CALN1: variants seen among roughly 807,000 people sequenced by gnomAD.
CALN1 encodes calneuron 1.
In CALN1, 17 loss-of-function variants were observed where a neutral mutation model predicts 30.6. The observed-to-expected ratio is 0.56, with a 90% confidence interval of 0.38 to 0.83. The LOEUF (loss-of-function observed/expected upper bound fraction) is 0.83, where lower values mean the gene tolerates loss of function less well. Among genes scored for constraint, CALN1 ranks in the 40% least tolerant of loss-of-function variants. The pLI is 0.00. For synonymous variants in CALN1, 156 were observed against 131.4 expected (o/e 1.19, Z -1.28); for missense variants, 291 against 354.9 (o/e 0.82, Z 1.45).
chr7:72,390,140 G>A (rs1035624377), intron 2 of CALN1, among the ~76,000 whole-genome samples: 1 of 151,932 alleles, frequency 6.6e-6, no homozygotes, highest in African/African-American at 2.4e-5. Context: ...AAGAAATAAG[G>A]GGGATTGGGG....
At chr7:71,924,454 A>C (rs1436733101) in intron 5 of CALN1, among the ~76,000 whole-genome samples, 1 of 152,122 alleles carries the variant, frequency 6.6e-6, no homozygotes, top group Non-Finnish European at 1.5e-5. Flanking sequence ...CAAGGCAATG[A>C]TCATAATAAA....
intron 2 of CALN1, among the ~76,000 whole-genome samples, chr7:72,380,075 G>T (rs1244356978): frequency 1.3e-5 from 2 of 152,208 alleles, no homozygotes; most frequent in East Asian, 3.8e-4. Context: ...GAGCAGTGCA[G>T]ATAGTTAGAA....
At chr7:72,396,970 G>A (rs1201477885) in intron 2 of CALN1, among the ~76,000 whole-genome samples, 1 of 151,960 alleles carries the variant, frequency 6.6e-6, no homozygotes, top group Non-Finnish European at 1.5e-5. Flanking sequence ...GAGTGCAGTG[G>A]CATGATCATA....
chr7:71,944,594 CAA>C (rs10677940), intron 5 of CALN1, among the ~76,000 whole-genome samples: 59 of 60,024 alleles, frequency 9.8e-4, no homozygotes, highest in Middle Eastern at 0.019. Flanking sequence ...AACTCCATCC[CAA>C]AAAAAAAAAA....
intron 3 of CALN1, among the ~76,000 whole-genome samples, chr7:72,206,466 G>A (rs544416677): frequency 2.6e-5 from 4 of 152,172 alleles, no homozygotes; most frequent in Non-Finnish European, 1.5e-5. Context: ...TATGTGACTT[G>A]CAATTGCATG....
At chr7:71,888,503 A>G (rs1793053256) in intron 5 of CALN1, among the ~76,000 whole-genome samples, 1 of 152,072 alleles carries the variant, frequency 6.6e-6, no homozygotes, top group African/African-American at 2.4e-5. Context: ...AACAAAACAA[A>G]ACAAAAAAGC....
At chr7:72,183,363 C>T (rs964396024) in intron 3 of CALN1, among the ~76,000 whole-genome samples, 1 of 151,994 alleles carries the variant, frequency 6.6e-6, no homozygotes, top group Non-Finnish European at 1.5e-5. Context: ...AAAGTCAAAA[C>T]AAAAAGACGA....
At chr7:72,118,879 C>T (rs1182455863) in intron 3 of CALN1, among the ~76,000 whole-genome samples, 2 of 152,136 alleles carry the variant, frequency 1.3e-5, no homozygotes, top group African/African-American at 4.8e-5. Context: ...TCAACAGCTG[C>T]AAGTCCAGAG....
At chr7:71,824,449 C>T (rs1452134146) in intron 5 of CALN1, among the ~76,000 whole-genome samples, 1 of 152,076 alleles carries the variant, frequency 6.6e-6, no homozygotes. Flanking sequence ...GTGCCTGAGT[C>T]CCCAGTGAAG....
the CALN1 span, among the ~76,000 whole-genome samples, chr7:72,472,059 G>T: frequency 6.6e-6 from 1 of 152,118 alleles, no homozygotes; most frequent in African/African-American, 2.4e-5. Flanking sequence ...ACCTCCCAAA[G>T]TGCTGGGATT....
chr7:71,888,738 G>A (rs1793067361), intron 5 of CALN1, among the ~76,000 whole-genome samples: 1 of 152,044 alleles, frequency 6.6e-6, no homozygotes, highest in Non-Finnish European at 1.5e-5. Context: ...AGCTGGTAGT[G>A]AGGAAGTGGA....
intron 2 of CALN1, among the ~76,000 whole-genome samples, chr7:72,330,063 G>A (rs1479043516): frequency 6.6e-6 from 1 of 152,026 alleles, no homozygotes; most frequent in Non-Finnish European, 1.5e-5. Flanking sequence ...GGCTGAGGCA[G>A]GCGGATCACC....
intron 3 of CALN1, among the ~76,000 whole-genome samples, chr7:72,174,247 G>A (rs1789178375): frequency 6.6e-6 from 1 of 152,096 alleles, no homozygotes; most frequent in South Asian, 2.1e-4. Flanking sequence ...GATTGGCAAG[G>A]ATGTAGAGCA....
Position 71,973,510 on chromosome 7 carries a change from T to G in CALN1, c.501+50147A>C, listed in dbSNP as rs76207211. On this transcript the variant is annotated intron_variant, in intron 5 of 6. Coordinates refer to ENST00000395275, the MANE Select transcript of CALN1 (RefSeq NM_031468.4). Reference sequence around the variant, plus strand: ...GTTTGAGTATTCCTTGCTTCTGATGTTTGCACCATAGAAATAATGGGTAAG... The same window carrying G: ...GTTTGAGTATTCCTTGCTTCTGATGGTTGCACCATAGAAATAATGGGTAAG... Among the ~76,000 whole-genome samples the G allele has an allele frequency of 1.9e-4, 29 of 152,228 alleles. No individual in the cohort carries two copies. The East Asian group carries it at 5.4e-3, about 28-fold the overall frequency.
intron 4 of CALN1, among the ~76,000 whole-genome samples, chr7:72,100,310 T>C (rs535948016): frequency 9.9e-5 from 15 of 152,092 alleles, no homozygotes; most frequent in African/African-American, 3.4e-4. Flanking sequence ...GCCTCCCAAG[T>C]AGCTGGGATT....
chr7:72,208,397 T>G (rs979158303), intron 3 of CALN1, among the ~76,000 whole-genome samples: 3 of 152,236 alleles, frequency 2.0e-5, no homozygotes, highest in African/African-American at 7.2e-5. Flanking sequence ...CAGCTCTAAA[T>G]AGAGCAGAAT....
intron 5 of CALN1, among the ~76,000 whole-genome samples, chr7:71,947,494 A>G (rs899291052): frequency 6.6e-6 from 1 of 152,104 alleles, no homozygotes; most frequent in African/African-American, 2.4e-5. Context: ...CTCTAGACAC[A>G]CCCTTTTCCT....
intron 6 of CALN1, among the ~76,000 whole-genome samples, chr7:71,808,426 C>T (rs928479833): frequency 1.3e-5 from 2 of 151,308 alleles, no homozygotes; most frequent in Non-Finnish European, 2.9e-5. Flanking sequence ...AAACATAATA[C>T]TTGCAGTATG....
chr7:71,781,824 G>C lies in CALN1; in HGVS notation c.*5951C>G, dbSNP rs1332948525. The C allele has an allele frequency of 1.3e-5, 2 of 152,254 alleles. No homozygotes were observed. Among genetic ancestry groups the C allele is most frequent in the Non-Finnish European group, 2.9e-5 (2 of 68,064 alleles). The allele number at this position is 152,254 out of a possible 1,614,324, so 9.4% of individuals were successfully genotyped here. ...TGCTCAACTGATGAACTACCCCAAG[G>C]TCAGGGTAGGGGCAGGTGGCCGGGC... On this transcript the variant is annotated 3_prime_UTR_variant, in exon 7 of 7. Coordinates refer to ENST00000395275, the MANE Select transcript of CALN1 (RefSeq NM_031468.4).
Sources: allele counts gnomAD v4.1 joint callset (sites outside exome capture counted in the v4.1 genomes callset), GRCh38; gene constraint gnomAD v4.1.1; transcripts MANE v1.5; gene names NCBI Gene and HGNC (gene_info 2026-07-23, HGNC 2026-07-21).